SHCBP1L: variants seen among roughly 807,000 people sequenced by gnomAD.
SHCBP1L encodes SHC binding and spindle associated 1 like.
In SHCBP1L, 67 loss-of-function variants were observed where a neutral mutation model predicts 62.5. That is an observed-to-expected ratio of 1.07 (90% confidence interval 0.88 to 1.31). SHCBP1L has a LOEUF of 1.31. Among genes scored for constraint, SHCBP1L ranks in the 40% most tolerant of loss-of-function variants. The probability of loss-of-function intolerance (pLI) is 0.00; values close to 1 mark genes in which losing one functional copy is unlikely to be tolerated. For missense variants in SHCBP1L, 823 were observed against 809.8 expected, an observed-to-expected ratio of 1.02 and a Z score of -0.20; for synonymous variants, 284 against 289.4, an observed-to-expected ratio of 0.98 and a Z score of 0.19.
chr1:182,942,097 A>G, intron 2 of SHCBP1L: 1 of 897,944 alleles, frequency 1.1e-6, no homozygotes, highest in Non-Finnish European at 1.9e-6. Flanking sequence ...GACATGGTAT[A>G]TGGTATTAAT....
At chr1:182,947,525 T>C (rs1651605117) in intron 2 of SHCBP1L, among the ~76,000 whole-genome samples, 1 of 152,178 alleles carries the variant, frequency 6.6e-6, no homozygotes, top group South Asian at 2.1e-4. Flanking sequence ...AGTTGACCCT[T>C]GAACAACACA....
intron 5 of SHCBP1L, among the ~76,000 whole-genome samples, chr1:182,938,048 G>A (rs140009606): frequency 2.8e-4 from 42 of 152,288 alleles, no homozygotes; most frequent in African/African-American, 1.0e-3. Context: ...AGCTGTAGGT[G>A]TCAGAAGCTT....
intron 6 of SHCBP1L, among the ~76,000 whole-genome samples, chr1:182,929,058 G>T (rs1650874264): frequency 6.6e-6 from 1 of 152,148 alleles, no homozygotes; most frequent in African/African-American, 2.4e-5. Context: ...TTATTTCAAT[G>T]AGAGAGATTT....
intron 6 of SHCBP1L, among the ~76,000 whole-genome samples, chr1:182,927,141 C>A (rs1650789693): frequency 7.2e-6 from 1 of 138,064 alleles, no homozygotes; most frequent in African/African-American, 2.7e-5. Context: ...TTAAAGCATT[C>A]TGCAAGTAAG....
rs1467712995 is a variant in SHCBP1L, at chr1:182,940,465, T to C, written c.634A>G (p.Ile212Val). Reference sequence around the variant, plus strand: ...ACCAAATCTCTTGGAATATTTGCAATGTTGGAAGAAAAGGGCTCAGCAACA... The same window carrying C: ...ACCAAATCTCTTGGAATATTTGCAACGTTGGAAGAAAAGGGCTCAGCAACA... ...VSVAEPFSSN[I>V]ANIPRDLVDE... The change falls in exon 3 of 10, where the codon ATT becomes GTT. Residue 212 changes from isoleucine (I) to valine (V), a missense_variant. By Grantham distance (29) the Ile-to-Val change is conservative. Transcript: ENST00000367547. 2 of 1,614,004 alleles carry C rather than the reference T, an allele frequency of 1.2e-6. No homozygotes were observed. Among genetic ancestry groups the C allele is most frequent in the East Asian group, 4.5e-5 (2 of 44,824 alleles).
chr1:182,904,761 T>G (rs1649958408), intron 7 of SHCBP1L, among the ~76,000 whole-genome samples: 1 of 87,424 alleles, frequency 1.1e-5, no homozygotes, highest in South Asian at 3.1e-4. Flanking sequence ...TAGTGTAATC[T>G]TTTTCTTTTT....
At chr1:182,936,586 C>G (rs1651182862) in intron 5 of SHCBP1L, among the ~76,000 whole-genome samples, 1 of 152,164 alleles carries the variant, frequency 6.6e-6, no homozygotes, top group Admixed American at 6.5e-5. Flanking sequence ...TCAAATAACA[C>G]TATACTACTT....
chr1:182,930,457 G>T (rs576608228), intron 5 of SHCBP1L, among the ~76,000 whole-genome samples: 19 of 148,208 alleles, frequency 1.3e-4, no homozygotes, highest in Non-Finnish European at 3.0e-5. Context: ...AATAGATAAG[G>T]ATTTACCAGT....
chr1:182,950,965 T>A (rs10911166), intron 2 of SHCBP1L, among the ~76,000 whole-genome samples: 35,453 of 151,810 alleles, frequency 0.23, 7,283 homozygotes, highest in African/African-American at 0.56. Context: ...ACTAAACTTC[T>A]TAATTCAGAT....
chr1:182,903,013 T>C (rs887450879), intron 9 of SHCBP1L, 26 bp downstream of exon 9: 4 of 1,542,756 alleles, frequency 2.6e-6, no homozygotes, highest in African/African-American at 2.8e-5. Flanking sequence ...CTTATAACAA[T>C]GCTACATCAA....
At chr1:182,919,074 T>C (rs961301199) in intron 6 of SHCBP1L, among the ~76,000 whole-genome samples, 1 of 152,242 alleles carries the variant, frequency 6.6e-6, no homozygotes, top group African/African-American at 2.4e-5. Flanking sequence ...TAAATCTTCA[T>C]GATCTTGAAC....
intron 6 of SHCBP1L, among the ~76,000 whole-genome samples, chr1:182,928,509 TC>T (rs1167187861): frequency 6.6e-6 from 1 of 152,152 alleles, no homozygotes; most frequent in Non-Finnish European, 1.5e-5. Flanking sequence ...GAAGGCCTTT[TC>T]CTGTGGAAAT....
At chr1:182,920,831 A>G (rs1331515764) in intron 6 of SHCBP1L, among the ~76,000 whole-genome samples, 1 of 152,174 alleles carries the variant, frequency 6.6e-6, no homozygotes, top group Non-Finnish European at 1.5e-5. Flanking sequence ...AACAAAAATA[A>G]AGAAAAAAGA....
At position 182,939,378 on chromosome 1, in the gene SHCBP1L, C is replaced by A; in HGVS notation, c.874G>T (p.Asp292Tyr). The change falls in exon 5 of 10, where the codon GAT becomes TAT. Residue 292 changes from aspartate to tyrosine, a missense_variant. Asp to Tyr is a radical substitution (Grantham distance 160, BLOSUM62 -3). Transcript: ENST00000367547. Reference sequence around the variant, plus strand: ...GCGATAGGACCAGGTATTGTTCCATCCTGTATATCACACCACCTGAAAATT... The same window carrying A: ...GCGATAGGACCAGGTATTGTTCCATACTGTATATCACACCACCTGAAAATT... ...ERINLWCDIQDGTIPGPIAQR... is the reference protein window; with the variant it reads ...ERINLWCDIQYGTIPGPIAQR... 6.2e-7 allele frequency: 1 copy of A among 1,613,312 alleles called. No homozygotes were observed. Among genetic ancestry groups the A allele is most frequent in the South Asian group, 1.1e-5 (1 of 90,822 alleles).
chr1:182,947,915 G>A (rs143197140), intron 2 of SHCBP1L, among the ~76,000 whole-genome samples: 2 of 152,224 alleles, frequency 1.3e-5, no homozygotes, highest in African/African-American at 4.8e-5. Context: ...GACTTTAAGC[G>A]ATCCTCCTGC....
Position 182,952,767 on chromosome 1 carries a change from C to A in SHCBP1L, c.367G>T (p.Val123Leu), listed in dbSNP as rs780826375. The A allele has an allele frequency of 4.3e-6, 7 of 1,611,900 alleles. No individual in the cohort carries two copies. Among genetic ancestry groups the A allele is most frequent in the Non-Finnish European group, 5.9e-6 (7 of 1,179,268 alleles). The change falls in exon 1 of 10, where the codon GTG becomes TTG. Residue 123 changes from valine to leucine, a missense_variant. Transcript: ENST00000367547. ...RMRGMWRDEK[V>L]SLYCDEVLQD... Reference sequence around the variant, plus strand: ...AGCACTTCGTCGCAATACAGCGACACCTTCTCGTCCCGCCACATCCCCCTC... The same window carrying A: ...AGCACTTCGTCGCAATACAGCGACAACTTCTCGTCCCGCCACATCCCCCTC...
Position 182,939,523 on chromosome 1 carries a change from C to G in SHCBP1L, c.801G>C (p.Trp267Cys), listed in dbSNP as rs1241882232. ...RFFYDFLWRD[W>C]DDEESCENYT... is the part of the protein sequence containing the mutation. ...AATTCTCACAACTTTCTTCATCATC[C>G]CAGTCTCTCCAAAGAAAGTCATAAA... Residue 267 changes from tryptophan to cysteine, a missense_variant, in exon 4 of 10, where the codon TGG becomes TGC. By Grantham distance (215) the Trp-to-Cys change is radical. Coordinates refer to ENST00000367547, the MANE Select transcript of SHCBP1L (RefSeq NM_030933.4). 6.2e-7 allele frequency: 1 copy of G among 1,606,126 alleles called. No individual in the cohort carries two copies. Among genetic ancestry groups the G allele is most frequent in the Non-Finnish European group, 8.5e-7 (1 of 1,177,074 alleles).
intron 6 of SHCBP1L, among the ~76,000 whole-genome samples, chr1:182,920,291 G>T (rs564628425): frequency 6.6e-6 from 1 of 152,098 alleles, no homozygotes; most frequent in Non-Finnish European, 1.5e-5. Context: ...CCAGGGTTGC[G>T]CATGCAGCCC....
At chr1:182,909,571 TATACACAGA>T (rs1466647615) in intron 6 of SHCBP1L, among the ~76,000 whole-genome samples, 1 of 152,210 alleles carries the variant, frequency 6.6e-6, no homozygotes, top group African/African-American at 2.4e-5. Context: ...TAGACCAACT[TATACACAGA>T]TTTTTTTCAA....
Sources: allele counts gnomAD v4.1 joint callset (sites outside exome capture counted in the v4.1 genomes callset), GRCh38; gene constraint gnomAD v4.1.1; transcripts MANE v1.5; gene names NCBI Gene and HGNC (gene_info 2026-07-23, HGNC 2026-07-21).